PRKAR1B: variants seen among roughly 807,000 people sequenced by gnomAD.
PRKAR1B encodes the protein protein kinase cAMP-dependent type I regulatory subunit beta, also known as cAMP-dependent protein kinase type I-beta regulatory subunit.
PRKAR1B carries 22 observed loss-of-function variants against 46.5 expected under a neutral mutation model. The ratio of observed to expected loss-of-function variants is 0.47; its 90% CI spans 0.34 to 0.68. The LOEUF is 0.68. Among genes scored for constraint, PRKAR1B ranks in the 30% least tolerant of loss-of-function variants. The pLI is 0.01. For missense variants in PRKAR1B, 445 were observed against 535.6 expected, an observed-to-expected ratio of 0.83 and a Z score of 1.67; for synonymous variants, 259 against 217.7, an observed-to-expected ratio of 1.19 and a Z score of -1.67.
At chr7:702,316 A>G (rs1780103232) in intron 2 of PRKAR1B, among the ~76,000 whole-genome samples, 1 of 152,206 alleles carries the variant, frequency 6.6e-6, no homozygotes, top group Non-Finnish European at 1.5e-5. Context: ...GAAAAAAAAC[A>G]GAGAAAACAA....
chr7:647,230 C>T (rs947475501), intron 4 of PRKAR1B, among the ~76,000 whole-genome samples: 4 of 152,268 alleles, frequency 2.6e-5, no homozygotes, highest in Admixed American at 2.0e-4. Flanking sequence ...TCCTCACTCC[C>T]GTTCTCACCC....
chr7:605,146 C>G (rs535987449), intron 6 of PRKAR1B, among the ~76,000 whole-genome samples: 1 of 152,196 alleles, frequency 6.6e-6, no homozygotes, highest in East Asian at 1.9e-4. Context: ...ACGGGGTTCC[C>G]GGCAGAGCAG....
intron 1 of PRKAR1B, among the ~76,000 whole-genome samples, chr7:711,841 TG>T (rs936969681): frequency 2.1e-5 from 3 of 145,310 alleles, no homozygotes; most frequent in Admixed American, 6.8e-5. Context: ...GTGGGAAGAG[TG>T]GGGGGGCCCG....
At chr7:684,640 G>C (rs1038960209) in intron 2 of PRKAR1B, among the ~76,000 whole-genome samples, 2 of 152,200 alleles carry the variant, frequency 1.3e-5, no homozygotes, top group African/African-American at 4.8e-5. Flanking sequence ...AAGTCATCAA[G>C]ATCCAGACCC....
At chr7:553,286 T>A (rs1280165108) in intron 9 of PRKAR1B, among the ~76,000 whole-genome samples, 1 of 152,162 alleles carries the variant, frequency 6.6e-6, no homozygotes, top group Non-Finnish European at 1.5e-5. Context: ...TCAGCAGGTG[T>A]TGATGAATGT....
intron 9 of PRKAR1B, among the ~76,000 whole-genome samples, chr7:567,527 CA>C (rs2128432508): frequency 6.6e-6 from 1 of 151,222 alleles, no homozygotes; most frequent in Non-Finnish European, 1.5e-5. Flanking sequence ...TCACCATCAC[CA>C]TCATCACTAT....
At chr7:553,473 G>C (rs533682151) in intron 9 of PRKAR1B, among the ~76,000 whole-genome samples, 1 of 152,316 alleles carries the variant, frequency 6.6e-6, no homozygotes, top group Admixed American at 6.5e-5. Flanking sequence ...TTACAGCCGG[G>C]GAAGCTGAGG....
At chr7:583,360 C>CACACACACAGGT (rs1562536842) in intron 8 of PRKAR1B, among the ~76,000 whole-genome samples, 1 of 129,318 alleles carries the variant, frequency 7.7e-6, no homozygotes, top group Non-Finnish European at 1.8e-5. Context: ...CACACACAGG[C>CACACACACAGGT]GCACACACCC....
chr7:582,796 G>A lies in PRKAR1B; in HGVS notation c.769+1712C>T, dbSNP rs933299745. Reference sequence around the variant, plus strand: ...GGGCACCAGGGGCCGGACCACCCAGGTCTGGCTGAAAGGCAGCGGGACGCC... The same window carrying A: ...GGGCACCAGGGGCCGGACCACCCAGATCTGGCTGAAAGGCAGCGGGACGCC... On this transcript the variant is annotated intron_variant, in intron 8 of 10. Transcript: ENST00000537384. Among the ~76,000 whole-genome samples, 3 of 152,386 alleles carry A rather than the reference G, an allele frequency of 2.0e-5. No individual in the cohort carries two copies. The South Asian group carries it at 6.2e-4, about 32-fold the overall frequency.
intron 4 of PRKAR1B, among the ~76,000 whole-genome samples, chr7:634,747 C>G (rs1783948626): frequency 2.6e-5 from 4 of 151,930 alleles, no homozygotes; most frequent in Admixed American, 2.6e-4. Flanking sequence ...TCCAGTGATT[C>G]CCCTGCCTCA....
intron 1 of PRKAR1B, among the ~76,000 whole-genome samples, chr7:726,093 TGCAGCCAGTTTCTG>T (rs1781257883): frequency 6.6e-6 from 1 of 150,410 alleles, no homozygotes; most frequent in Non-Finnish European, 1.5e-5. Flanking sequence ...AGTTTCTGCA[TGCAGCCAGTTTCTG>T]CATGCATTAA....
chr7:627,639 C>G (rs10233840), intron 4 of PRKAR1B, among the ~76,000 whole-genome samples: 9,598 of 152,240 alleles, frequency 0.063, 333 homozygotes, highest in Middle Eastern at 0.1. Context: ...GAGGGCACTT[C>G]CAATTGTCCC....
chr7:662,624 AC>A (rs1447603757), intron 4 of PRKAR1B, among the ~76,000 whole-genome samples: 1 of 136,836 alleles, frequency 7.3e-6, no homozygotes, highest in Non-Finnish European at 1.6e-5. Flanking sequence ...AGATCCAAAC[AC>A]CTACTCTCCC....
chr7:716,410 C>G (rs930661440), intron 1 of PRKAR1B, among the ~76,000 whole-genome samples: 1 of 152,156 alleles, frequency 6.6e-6, no homozygotes, highest in African/African-American at 2.4e-5. Flanking sequence ...AAACTTTGCT[C>G]TGTCAGCTCC....
intron 7 of PRKAR1B, among the ~76,000 whole-genome samples, chr7:590,177 G>T (rs1780894392): frequency 6.6e-6 from 1 of 152,246 alleles, no homozygotes; most frequent in Admixed American, 6.5e-5. Context: ...TCCAAGAGGA[G>T]TGTGGCTCCC....
chr7:551,349 G>A (rs1784179254), intron 10 of PRKAR1B, 40 bp downstream of exon 10: 1 of 1,538,502 alleles, frequency 6.5e-7, no homozygotes, highest in Non-Finnish European at 8.8e-7. Context: ...AAATGAGATG[G>A]CCACAGCCGT....
In PRKAR1B at chr7:669,929, G is replaced by A. The variant is rs189819904; in HGVS notation, c.440+7300C>T. On this transcript the variant is annotated intron_variant, in intron 4 of 10. Transcript: ENST00000537384. ...CGCCCAGGCTGGAGTGCAGTGGCAC[G>A]ATCTCAGCTCACTGCAAGCTCCGCC... Among the ~76,000 whole-genome samples the A allele has an allele frequency of 3.1e-3, 445 of 143,030 alleles. 7 individuals carry two copies. The East Asian group carries it at 0.079, about 25-fold the overall frequency. The allele number at this position is 143,030 out of a possible 152,430, so 93.8% of individuals were successfully genotyped here. A position where few individuals can be genotyped will look rare whatever the true frequency, so the allele number is the denominator to read the frequency against.
chr7:717,936 C>G (rs773443854), intron 1 of PRKAR1B, among the ~76,000 whole-genome samples: 10 of 152,098 alleles, frequency 6.6e-5, no homozygotes, highest in Non-Finnish European at 1.5e-4. Flanking sequence ...GTGAGCATCA[C>G]ATATGATTCA....
At chr7:706,817 C>T (rs1780356754) in intron 2 of PRKAR1B, among the ~76,000 whole-genome samples, 1 of 152,212 alleles carries the variant, frequency 6.6e-6, no homozygotes, top group African/African-American at 2.4e-5. Context: ...GGACGGCACT[C>T]CAAGAGCTGG....
Sources: gnomAD v4.1 joint callset for allele counts (sites outside exome capture counted in the v4.1 genomes callset) on GRCh38, gnomAD v4.1.1 for gene constraint, MANE v1.5 for transcripts, NCBI Gene and HGNC (gene_info 2026-07-23, HGNC 2026-07-21) for gene names.